EYA2: variants seen among roughly 807,000 people sequenced by gnomAD.
The protein encoded by EYA2 is protein phosphatase EYA2.
Under a neutral mutation model 69.2 loss-of-function variants are expected in EYA2, and 31 were observed. That is an observed-to-expected ratio of 0.45 (90% CI 0.34 to 0.60). The LOEUF is 0.60. Ranked by LOEUF, EYA2 falls within the 20% of genes least tolerant of loss-of-function variation. The probability of loss-of-function intolerance (pLI) is 0.02; values close to 1 mark genes in which losing one functional copy is unlikely to be tolerated. For synonymous variants in EYA2, 257 were observed against 279.4 expected (o/e 0.92, Z 0.80); for missense variants, 622 against 701.2 (o/e 0.89, Z 1.28).
At chr20:46,959,748 C>A (rs1159567316) in intron 1 of EYA2, among the ~76,000 whole-genome samples, 2 of 152,220 alleles carry the variant, frequency 1.3e-5, no homozygotes, top group African/African-American at 4.8e-5. Flanking sequence ...TCTCCCAACC[C>A]CCACGTCGTT....
intron 14 of EYA2, among the ~76,000 whole-genome samples, chr20:47,182,641 A>AG (rs2034560587): frequency 1.4e-5 from 2 of 147,416 alleles, no homozygotes; most frequent in Non-Finnish European, 1.5e-5. Flanking sequence ...AAAAAAAAAA[A>AG]AAAGGTTAAG....
intron 6 of EYA2, among the ~76,000 whole-genome samples, chr20:47,072,985 T>C (rs777762072): frequency 1.1e-3 from 171 of 152,338 alleles, no homozygotes; most frequent in Admixed American, 2.4e-3. Flanking sequence ...AATGTAAAAA[T>C]TGTTTCATGT....
At chr20:46,936,140 T>C (rs1299752240) in intron 1 of EYA2, among the ~76,000 whole-genome samples, 1 of 152,192 alleles carries the variant, frequency 6.6e-6, no homozygotes, top group East Asian at 1.9e-4. Context: ...GCCTATAGTA[T>C]GTTATTAACA....
chr20:47,073,495 G>GT (rs34265902), intron 6 of EYA2, among the ~76,000 whole-genome samples: 51,462 of 132,816 alleles, frequency 0.39, 9,442 homozygotes, highest in African/African-American at 0.52. Flanking sequence ...TGTGTGTCGT[G>GT]GGGGGGGGGT....
At chr20:46,921,665 CAT>C (rs1985185093) in intron 1 of EYA2, among the ~76,000 whole-genome samples, 1 of 152,162 alleles carries the variant, frequency 6.6e-6, no homozygotes, top group African/African-American at 2.4e-5. Context: ...TTGCTAAACT[CAT>C]AGAATGTAGC....
At chr20:47,101,277 G>A (rs920587024) in intron 9 of EYA2, among the ~76,000 whole-genome samples, 2 of 152,028 alleles carry the variant, frequency 1.3e-5, no homozygotes, top group African/African-American at 4.8e-5. Flanking sequence ...TGTAGAGATG[G>A]GATCTCACTG....
chr20:47,017,750 G>A (rs966169169), intron 5 of EYA2, among the ~76,000 whole-genome samples: 3 of 152,118 alleles, frequency 2.0e-5, no homozygotes, highest in Non-Finnish European at 4.4e-5. Context: ...CCTTCATGAC[G>A]CTCTCAAGCA....
At chr20:46,974,292 T>C (rs1017652253) in intron 1 of EYA2, among the ~76,000 whole-genome samples, 1 of 152,162 alleles carries the variant, frequency 6.6e-6, no homozygotes, top group African/African-American at 2.4e-5. Flanking sequence ...TCATATTTGG[T>C]TTCCAATATT....
chr20:47,181,200 A>G (rs977273305), intron 14 of EYA2, among the ~76,000 whole-genome samples: 4 of 152,172 alleles, frequency 2.6e-5, no homozygotes, highest in African/African-American at 4.8e-5. Context: ...CACACCCCAA[A>G]TGCAAGGGCT....
chr20:47,172,722 C>T lies in EYA2; in HGVS notation c.1053C>T (p.Ser351=), dbSNP rs771322543. 1.9e-5 allele frequency: 30 copies of T among 1,612,716 alleles called. No homozygotes were observed. The highest frequency in any genetic ancestry group is 2.3e-5 in the Non-Finnish European group (27 of 1,179,426). ...CTCTCCGCAGCACATACAACTTCTC[C>T]GCTGACGGCTTCCACAGTTCGGCCC... ...NGQDLSTYNF[S]ADGFHSSAPG... Residue 351 remains serine (S), a synonymous_variant, in exon 12 of 16, where the codon TCC becomes TCT. Transcript: ENST00000327619.
intron 8 of EYA2, among the ~76,000 whole-genome samples, chr20:47,090,455 G>A (rs961397848): frequency 1.3e-5 from 2 of 151,934 alleles, no homozygotes; most frequent in African/African-American, 2.4e-5. Context: ...GGCCAGGCTG[G>A]TCTTGAACTC....
At chr20:47,102,885 G>T (rs1292693421) in intron 9 of EYA2, among the ~76,000 whole-genome samples, 1 of 148,516 alleles carries the variant, frequency 6.7e-6, no homozygotes, top group East Asian at 2.0e-4. Context: ...TCTGAACTCT[G>T]TTTTTTTCCA....
intron 5 of EYA2, among the ~76,000 whole-genome samples, chr20:47,050,375 G>A (rs948010524): frequency 1.3e-5 from 2 of 152,160 alleles, no homozygotes; most frequent in African/African-American, 2.4e-5. Context: ...TAGTAAATAC[G>A]TATGAAGTGC....
rs3746491 is a variant in EYA2, at chr20:47,172,905, A to G, written c.1198+38A>G. 9.0e-3 allele frequency: 14,228 copies of G among 1,577,354 alleles called. 852 individuals carry two copies. The East Asian group carries it at 0.18, about 20-fold the overall frequency. On this transcript the variant is annotated intron_variant, in intron 12 of 15. Transcript: ENST00000327619. ...AGCCTTGGGCCTCCGAGGAAGGGAA[A>G]CTCATTGGGATGGATGCTGTCAGTG... is the stretch of plus-strand genomic sequence containing the variant.
chr20:47,090,728 G>A (rs2032058718), intron 8 of EYA2, among the ~76,000 whole-genome samples: 1 of 152,142 alleles, frequency 6.6e-6, no homozygotes, highest in African/African-American at 2.4e-5. Context: ...ATATAACTTT[G>A]TTAACTCTAA....
intron 10 of EYA2, among the ~76,000 whole-genome samples, chr20:47,154,762 AAAC>A (rs1483041331): frequency 6.6e-6 from 1 of 151,666 alleles, no homozygotes; most frequent in African/African-American, 2.4e-5. Flanking sequence ...TTCATGGAGA[AAAC>A]AAATATTTTT....
At chr20:46,898,422 CA>C (rs1568657079) in intron 1 of EYA2, among the ~76,000 whole-genome samples, 13 of 147,394 alleles carry the variant, frequency 8.8e-5, no homozygotes. Context: ...CACACACACA[CA>C]CCACAATTCT....
chr20:47,133,503 T>A (rs1210084671), intron 9 of EYA2, among the ~76,000 whole-genome samples: 1 of 152,204 alleles, frequency 6.6e-6, no homozygotes, highest in Non-Finnish European at 1.5e-5. Flanking sequence ...GCTAACCGGT[T>A]GTTTTTTGAA....
chr20:46,920,895 A>G (rs946949905), intron 1 of EYA2, among the ~76,000 whole-genome samples: 2 of 152,172 alleles, frequency 1.3e-5, no homozygotes, highest in African/African-American at 4.8e-5. Context: ...GCATCTCTTC[A>G]TGGGCTCTGC....
Sources: allele counts gnomAD v4.1 joint callset (sites outside exome capture counted in the v4.1 genomes callset), GRCh38; gene constraint gnomAD v4.1.1; transcripts MANE v1.5; gene names NCBI Gene and HGNC (gene_info 2026-07-23, HGNC 2026-07-21).